The following MCTP1 variants were observed in gnomAD, a reference collection of about 807,000 sequenced individuals.
MCTP1 encodes multiple C2 and transmembrane domain-containing protein 1.
Under a neutral mutation model 120.6 loss-of-function variants are expected in MCTP1, and 69 were observed. The ratio of observed to expected loss-of-function variants is 0.57; its 90% CI spans 0.47 to 0.70. MCTP1 has a LOEUF of 0.70. MCTP1 is among the 30% of genes least tolerant of loss of function. MCTP1 has a pLI of 0.00. For missense variants in MCTP1, 1,203 were observed against 1,248.8 expected, an observed-to-expected ratio of 0.96 and a Z score of 0.55; for synonymous variants, 529 against 493.1, an observed-to-expected ratio of 1.07 and a Z score of -0.96.
At chr5:95,238,085 G>A (rs1755750861) in intron 1 of MCTP1, among the ~76,000 whole-genome samples, 1 of 152,146 alleles carries the variant, frequency 6.6e-6, no homozygotes, top group Admixed American at 6.5e-5. Flanking sequence ...ATCGGAACAA[G>A]GGAAATTTGT....
intron 1 of MCTP1, among the ~76,000 whole-genome samples, chr5:95,076,510 T>C (rs1200736727): frequency 6.8e-6 from 1 of 146,688 alleles, no homozygotes; most frequent in Non-Finnish European, 1.5e-5. Flanking sequence ...TGCTGGGAAA[T>C]ATGAGAACGA....
chr5:95,037,818 A>T (rs1974959), intron 1 of MCTP1, among the ~76,000 whole-genome samples: 4 of 152,158 alleles, frequency 2.6e-5, no homozygotes, highest in Admixed American at 6.5e-5. Context: ...TGCAGTGAGC[A>T]GAGTTCACGC....
chr5:94,822,725 C>T (rs1785964025), intron 17 of MCTP1, among the ~76,000 whole-genome samples: 1 of 152,118 alleles, frequency 6.6e-6, no homozygotes, highest in African/African-American at 2.4e-5. Context: ...TCTGTTGTTT[C>T]CTGAATTTTT....
At chr5:94,708,047 TGA>T (rs1377900123) in intron 22 of MCTP1, among the ~76,000 whole-genome samples, 3 of 151,990 alleles carry the variant, frequency 2.0e-5, no homozygotes, top group Admixed American at 6.6e-5. Context: ...AAAGGATTTT[TGA>T]GATATGCTCC....
chr5:95,248,995 G>T (rs925236965), intron 1 of MCTP1, among the ~76,000 whole-genome samples: 6 of 152,000 alleles, frequency 3.9e-5, no homozygotes, highest in Non-Finnish European at 8.8e-5. Flanking sequence ...TCCTTACACC[G>T]TATACAAAAA....
chr5:94,743,096 G>A (rs1765906156), intron 19 of MCTP1, among the ~76,000 whole-genome samples: 2 of 145,882 alleles, frequency 1.4e-5, no homozygotes, highest in East Asian at 2.0e-4. Flanking sequence ...AATCAAGTAC[G>A]AACATCTAAT....
chr5:94,830,760 C>T (rs1788339049), intron 17 of MCTP1, among the ~76,000 whole-genome samples: 1 of 152,178 alleles, frequency 6.6e-6, no homozygotes, highest in South Asian at 2.1e-4. Context: ...TCTCAGTCTT[C>T]CTCTTGACAG....
intron 1 of MCTP1, among the ~76,000 whole-genome samples, chr5:95,108,681 T>G (rs918808503): frequency 2.6e-5 from 4 of 152,208 alleles, no homozygotes; most frequent in African/African-American, 9.7e-5. Context: ...CTAGACACCT[T>G]TGCGTTTTGC....
intron 17 of MCTP1, among the ~76,000 whole-genome samples, chr5:94,806,468 A>G (rs552915517): frequency 6.6e-6 from 1 of 152,284 alleles, no homozygotes; most frequent in South Asian, 2.1e-4. Context: ...GAGGTGCAAG[A>G]CATGCATGAT....
chr5:95,222,949 T>A (rs1753843185), intron 1 of MCTP1, among the ~76,000 whole-genome samples: 1 of 152,176 alleles, frequency 6.6e-6, no homozygotes, highest in Non-Finnish European at 1.5e-5. Context: ...TGGAAACCCA[T>A]GAGAGACGAT....
chr5:94,906,370 C>T (rs543768856), intron 10 of MCTP1, among the ~76,000 whole-genome samples: 1 of 152,192 alleles, frequency 6.6e-6, no homozygotes, highest in African/African-American at 2.4e-5. Context: ...CTTGTGGTCC[C>T]AGCTACTCAG....
chr5:95,133,238 A>T (rs576011305), intron 1 of MCTP1, among the ~76,000 whole-genome samples: 1 of 152,244 alleles, frequency 6.6e-6, no homozygotes, highest in Non-Finnish European at 1.5e-5. Context: ...CAAGACCCCC[A>T]CTGGATACTT....
chr5:95,259,126 A>C (rs754374159), intron 1 of MCTP1, among the ~76,000 whole-genome samples: 5 of 152,188 alleles, frequency 3.3e-5, no homozygotes, highest in Non-Finnish European at 7.4e-5. Context: ...ACAGCAGAAG[A>C]AGCCAACCAC....
At chr5:94,778,670 A>G (rs1427383337) in intron 19 of MCTP1, among the ~76,000 whole-genome samples, 1 of 152,166 alleles carries the variant, frequency 6.6e-6, no homozygotes, top group Non-Finnish European at 1.5e-5. Context: ...CGGCACATTC[A>G]TGTCCTTTTG....
At chr5:95,080,382 A>G (rs1289646935) in intron 1 of MCTP1, among the ~76,000 whole-genome samples, 1 of 152,194 alleles carries the variant, frequency 6.6e-6, no homozygotes, top group Non-Finnish European at 1.5e-5. Flanking sequence ...TCCAATTTAA[A>G]ATACTGCCTT....
intron 1 of MCTP1, among the ~76,000 whole-genome samples, chr5:95,038,863 C>T (rs925873238): frequency 2.0e-5 from 3 of 152,170 alleles, no homozygotes; most frequent in South Asian, 2.1e-4. Flanking sequence ...CCAACACCTT[C>T]GTAAAACTAA....
At chr5:94,962,785 C>T (rs907466635) in intron 2 of MCTP1, among the ~76,000 whole-genome samples, 32 of 151,874 alleles carry the variant, frequency 2.1e-4, no homozygotes, top group African/African-American at 6.3e-4. Context: ...ACTGCTTGGA[C>T]GATGCATCAA....
chr5:95,154,385 A>G (rs547412957), intron 1 of MCTP1: 1 of 152,310 alleles, frequency 6.6e-6, no homozygotes, highest in Admixed American at 6.5e-5. Context: ...ACCTTTGAAC[A>G]TATTTCTACT....
At chr5:95,049,091 C>A (rs749516150) in intron 1 of MCTP1, among the ~76,000 whole-genome samples, 1 of 152,078 alleles carries the variant, frequency 6.6e-6, no homozygotes, top group Non-Finnish European at 1.5e-5. Context: ...ATGGCGTCAT[C>A]TTTAATTAAA....
Sources: allele counts gnomAD v4.1 joint callset (sites outside exome capture counted in the v4.1 genomes callset), GRCh38; gene constraint gnomAD v4.1.1; transcripts MANE v1.5; gene names NCBI Gene and HGNC (gene_info 2026-07-23, HGNC 2026-07-21).